Variants in RHO observed in about 807,000 individuals in gnomAD.
The protein encoded by RHO is rhodopsin, also known as opsin 2, rod pigment.
In RHO, 21 loss-of-function variants were observed where a neutral mutation model predicts 31.2. That is an observed-to-expected ratio of 0.67 (90% CI 0.48 to 0.97). The LOEUF (loss-of-function observed/expected upper bound fraction) is 0.97. Among genes scored for constraint, RHO ranks in the 50% least tolerant of loss-of-function variants. The pLI, the probability that RHO is intolerant of heterozygous loss-of-function variation, is 0.00. For synonymous variants in RHO, 211 were observed against 196.6 expected (o/e 1.07, Z -0.61); for missense variants, 414 against 479.5 (o/e 0.86, Z 1.28).
Position 129,532,393 on chromosome 3 carries a change from C to T in RHO, c.673C>T (p.Gln225Ter), listed in dbSNP as rs752076372. The T allele has an allele frequency of 6.2e-7, 1 of 1,614,048 alleles. No homozygotes were observed. Among genetic ancestry groups the T allele is most frequent in the Non-Finnish European group, 8.5e-7 (1 of 1,180,010 alleles). ...PMIIIFFCYG[Q>*]LVFTVKEAAA... ...GATTATCATCTTTTTCTGCTATGGG[C>T]AGCTCGTCTTCACCGTCAAGGAGGT... is the stretch of plus-strand genomic sequence containing the variant. The change falls in exon 3 of 5, where the codon CAG (glutamine) becomes TAG (stop). Residue 225 changes from glutamine (Q) to a stop codon, truncating the protein, a stop_gained. Coordinates refer to ENST00000296271, the MANE Select transcript of RHO (RefSeq NM_000539.3). LOFTEE classifies it high-confidence loss of function. This position sits in a 1 kb window ranked among gnomAD's most constrained non-coding sequence, Gnocchi z 5.5.
In RHO at chr3:129,532,421, G is replaced by C. The variant is rs376802160; in HGVS notation, c.696+5G>C. The C allele has an allele frequency of 2.9e-5, 46 of 1,613,788 alleles. No individual in the cohort carries two copies. Among genetic ancestry groups the C allele is most frequent in the Non-Finnish European group, 3.1e-5 (37 of 1,180,022 alleles). On this transcript the variant is annotated splice_donor_5th_base_variant and intron_variant, in intron 3 of 4. Transcript: ENST00000296271. The surrounding 1 kb of genome is among the most constrained non-coding windows in gnomAD (Gnocchi z 5.5). Reference sequence around the variant, plus strand: ...CTCGTCTTCACCGTCAAGGAGGTACGGGCCGGGGGGTGGGCGGCCTCACGG... The same window carrying C: ...CTCGTCTTCACCGTCAAGGAGGTACCGGCCGGGGGGTGGGCGGCCTCACGG...
intron 4 of RHO, among the ~76,000 whole-genome samples, chr3:129,533,283 G>T (rs74435833): frequency 1.3e-5 from 2 of 152,132 alleles, no homozygotes; most frequent in African/African-American, 2.4e-5. Flanking sequence ...CTGTGCTTTG[G>T]TTTCCTCATC....
rs372570611 is a variant in RHO at position 129,532,426 on chromosome 3, G to C, written c.696+10G>C. The C allele has an allele frequency of 1.1e-4, 184 of 1,613,500 alleles. No homozygotes were observed. Among genetic ancestry groups the C allele is most frequent in the Non-Finnish European group, 1.5e-4 (178 of 1,179,852 alleles). Reference sequence around the variant, plus strand: ...CTTCACCGTCAAGGAGGTACGGGCCGGGGGGTGGGCGGCCTCACGGCTCTG... The same window carrying C: ...CTTCACCGTCAAGGAGGTACGGGCCCGGGGGTGGGCGGCCTCACGGCTCTG... On this transcript the variant is annotated intron_variant, in intron 3 of 4. Coordinates refer to ENST00000296271, the MANE Select transcript of RHO (RefSeq NM_000539.3). The surrounding 1 kb of genome is among the most constrained non-coding windows in gnomAD (Gnocchi z 5.5).
intron 2 of RHO, among the ~76,000 whole-genome samples, chr3:129,531,463 G>A (rs1311107090): frequency 7.9e-5 from 12 of 152,188 alleles, no homozygotes; most frequent in Admixed American, 3.9e-4. Flanking sequence ...GCCTCTAGGC[G>A]ATTGTCTCCT....
chr3:129,528,919 C>A lies in RHO; in HGVS notation c.186C>A (p.Thr62=). 1.2e-6 allele frequency: 2 copies of A among 1,614,250 alleles called. No homozygotes were observed. The highest frequency in any genetic ancestry group is 1.3e-5 in the African/African-American group (1 of 75,068). Residue 62 remains threonine, a synonymous_variant, in exon 1 of 5, where the codon ACC becomes ACA. Coordinates refer to ENST00000296271, the MANE Select transcript of RHO (RefSeq NM_000539.3). ...TCAACTTCCTCACGCTCTACGTCAC[C>A]GTCCAGCACAAGAAGCTGCGCACGC... ...FPINFLTLYV[T]VQHKKLRTPL...
rs138831590 is a variant in RHO, at chr3:129,533,630, C to T, written c.959C>T (p.Thr320Ile). 1 of 1,614,108 alleles carries T rather than the reference C, an allele frequency of 6.2e-7. No individual in the cohort carries two copies. The highest frequency in any genetic ancestry group is 1.1e-5 in the South Asian group (1 of 91,086). Residue 320 changes from threonine to isoleucine, a missense_variant, in exon 5 of 5, where the codon ACC (threonine) becomes ATC (isoleucine). By Grantham distance (89) the Thr-to-Ile change is moderately conservative. Transcript: ENST00000296271. ...CAGTTCCGGAACTGCATGCTCACCA[C>T]CATCTGCTGCGGCAAGAACCCACTG... Reference protein sequence around the residue: ...NKQFRNCMLTTICCGKNPLGD... With the variant: ...NKQFRNCMLTIICCGKNPLGD...
Position 129,532,795 on chromosome 3 carries a change from C to A in RHO, c.936+23C>A. The A allele has an allele frequency of 6.2e-7, 1 of 1,613,166 alleles. No homozygotes were observed. The highest frequency in any genetic ancestry group is 1.1e-5 in the South Asian group (1 of 91,068). On this transcript the variant is annotated intron_variant, in intron 4 of 4. Coordinates refer to ENST00000296271, the MANE Select transcript of RHO (RefSeq NM_000539.3). The surrounding 1 kb of genome is among the most constrained non-coding windows in gnomAD (Gnocchi z 5.5). ...CAGGTGCCTACTGCGGGTGGGAGGG[C>A]CCCAGTGCCCCAGGCCACAGGCGCT...
chr3:129,531,387 A>G (rs948667607), intron 2 of RHO, among the ~76,000 whole-genome samples: 2 of 152,216 alleles, frequency 1.3e-5, no homozygotes, highest in African/African-American at 4.8e-5. Context: ...CCTCAGCAGC[A>G]GGGGAGGCCA....
intron 1 of RHO, among the ~76,000 whole-genome samples, chr3:129,529,588 T>C (rs2084762334): frequency 6.6e-6 from 1 of 152,134 alleles, no homozygotes; most frequent in East Asian, 1.9e-4. Flanking sequence ...GATTTTCCAT[T>C]CTCCAGTCAT....
chr3:129,528,883 G>A lies in RHO; in HGVS notation c.150G>A (p.Leu50=), dbSNP rs1264758702. The A allele has an allele frequency of 6.2e-7, 1 of 1,614,102 alleles. No individual in the cohort carries two copies. The highest frequency in any genetic ancestry group is 8.5e-7 in the Non-Finnish European group (1 of 1,180,060). Residue 50 remains leucine, a synonymous_variant, in exon 1 of 5, where the codon CTG becomes CTA. Coordinates refer to ENST00000296271, the MANE Select transcript of RHO (RefSeq NM_000539.3). ...LAAYMFLLIV[L]GFPINFLTLY... is the part of the protein sequence containing the mutation. Reference sequence around the variant, plus strand: ...CCTACATGTTTCTGCTGATCGTGCTGGGCTTCCCCATCAACTTCCTCACGC... The same window carrying A: ...CCTACATGTTTCTGCTGATCGTGCTAGGCTTCCCCATCAACTTCCTCACGC...
Position 129,532,306 on chromosome 3 carries a change from C to A in RHO, c.586C>A (p.Pro196Thr), listed in dbSNP as rs765931092. Reference protein sequence around the residue: ...SCGIDYYTLKPEVNNESFVIY... With the variant: ...SCGIDYYTLKTEVNNESFVIY... Reference sequence around the variant, plus strand: ...TGGAATCGACTACTACACGCTCAAGCCGGAGGTCAACAACGAGTCTTTTGT... The same window carrying A: ...TGGAATCGACTACTACACGCTCAAGACGGAGGTCAACAACGAGTCTTTTGT... The change falls in exon 3 of 5, where the codon CCG becomes ACG. Residue 196 changes from proline (P) to threonine (T), a missense_variant. Coordinates refer to ENST00000296271, the MANE Select transcript of RHO (RefSeq NM_000539.3). This position sits in a 1 kb window ranked among gnomAD's most constrained non-coding sequence, Gnocchi z 5.5. 11 of 1,614,072 alleles carry A rather than the reference C, an allele frequency of 6.8e-6. No individual in the cohort carries two copies. The East Asian group carries it at 8.9e-5, about 13-fold the overall frequency.
chr3:129,534,159 G>A lies in RHO; in HGVS notation c.*441G>A, dbSNP rs145921862. On this transcript the variant is annotated 3_prime_UTR_variant, in exon 5 of 5. Transcript: ENST00000296271. The stretch of plus-strand genomic sequence containing the variant: ...AACATATCTATCCTCTCAGACCCTC[G>A]CAGCAGCAGCAACTCATACTTGGCT... 9.7e-5 allele frequency: 16 copies of A among 164,798 alleles called. No individual in the cohort carries two copies. In the East Asian group the frequency reaches 2.3e-3, roughly 24 times the overall value. The allele number at this position is 164,798 out of a possible 1,614,324, so 10.2% of individuals were successfully genotyped here. A position where few individuals can be genotyped will look rare whatever the true frequency, so the allele number is the denominator to read the frequency against.
intron 1 of RHO, among the ~76,000 whole-genome samples, chr3:129,530,533 A>ACACAACACACACACACAC (rs1553781099): frequency 8.1e-6 from 1 of 122,898 alleles, no homozygotes; most frequent in African/African-American, 4.1e-5. Context: ...ACACACACAC[A>ACACAACACACACACACAC]ACACACACAC....
chr3:129,531,295 C>T (rs568632402), intron 2 of RHO, among the ~76,000 whole-genome samples: 2 of 152,350 alleles, frequency 1.3e-5, no homozygotes, highest in African/African-American at 4.8e-5. Context: ...CTTGGCTGTG[C>T]CCCTAATCCT....
Position 129,532,490 on chromosome 3 carries a change from C to T in RHO, c.697-43C>T. On this transcript the variant is annotated intron_variant, in intron 3 of 4. Coordinates refer to ENST00000296271, the MANE Select transcript of RHO (RefSeq NM_000539.3). This position sits in a 1 kb window ranked among gnomAD's most constrained non-coding sequence, Gnocchi z 5.5. ...CAGCATGCATCTGCGGCTCCTGCTC[C>T]CTGGAGGAGCCATGGTCTGGACCCG... 1.9e-6 allele frequency: 3 copies of T among 1,613,810 alleles called. No individual in the cohort carries two copies. Among genetic ancestry groups the T allele is most frequent in the Non-Finnish European group, 1.7e-6 (2 of 1,179,992 alleles).
chr3:129,529,635 C>T (rs2084762573), intron 1 of RHO, among the ~76,000 whole-genome samples: 1 of 152,194 alleles, frequency 6.6e-6, no homozygotes, highest in African/African-American at 2.4e-5. Context: ...GCTCGGTCCC[C>T]TCTGGCATCC....
At position 129,532,422 on chromosome 3, in the gene RHO, G is replaced by A. The variant is rs1441016547; in HGVS notation, c.696+6G>A. On this transcript the variant is annotated splice_donor_region_variant and intron_variant, in intron 3 of 4. Coordinates refer to ENST00000296271, the MANE Select transcript of RHO (RefSeq NM_000539.3). This position sits in a 1 kb window ranked among gnomAD's most constrained non-coding sequence, Gnocchi z 5.5. ...TCGTCTTCACCGTCAAGGAGGTACG[G>A]GCCGGGGGGTGGGCGGCCTCACGGC... The A allele has an allele frequency of 4.3e-6, 7 of 1,613,870 alleles. No homozygotes were observed. The East Asian group carries it at 1.3e-4, about 31-fold the overall frequency.
At chr3:129,530,754 G>A (rs1365999819) in intron 1 of RHO, 122 bp from the exon 2 acceptor site, 8 of 1,190,298 alleles carry the variant, frequency 6.7e-6, no homozygotes, top group Admixed American at 1.7e-5. Flanking sequence ...CTTCCCCAAG[G>A]CCTCCTCAAA....
At position 129,532,032 on chromosome 3, in the gene RHO, G is replaced by C. The variant is rs1422389197; in HGVS notation, c.531-219G>C. On this transcript the variant is annotated intron_variant, in intron 2 of 4. Transcript: ENST00000296271. This position sits in a 1 kb window ranked among gnomAD's most constrained non-coding sequence, Gnocchi z 5.5. ...AGGGAGAGGCTGGGTGGTGTCATCT[G>C]GTAACGCAGCCACCAAACAATGAAG... 6.6e-6 allele frequency among the ~76,000 whole-genome samples: 1 copy of C among 152,184 alleles called. No individual in the cohort carries two copies. Among genetic ancestry groups the C allele is most frequent in the East Asian group, 1.9e-4 (1 of 5,186 alleles).
Sources: gnomAD v4.1 joint callset for allele counts (sites outside exome capture counted in the v4.1 genomes callset) on GRCh38, gnomAD v4.1.1 for gene constraint, Gnocchi (gnomAD v3.1) non-coding constraint, MANE v1.5 for transcripts, NCBI Gene and HGNC (gene_info 2026-07-23, HGNC 2026-07-21) for gene names.